SAMD5: variants seen among roughly 807,000 people sequenced by gnomAD.
SAMD5 encodes the protein sterile alpha motif domain containing 5.
A neutral mutation model predicts 11.3 loss-of-function variants in SAMD5; 13 were observed. The observed-to-expected ratio is 1.15, with a 90% confidence interval of 0.75 to 1.83. The LOEUF (loss-of-function observed/expected upper bound fraction) is 1.83, where lower values mean the gene tolerates loss of function less well. SAMD5 is among the 40% of genes most tolerant of loss of function. The pLI, the probability that SAMD5 is intolerant of heterozygous loss-of-function variation, is 0.00. For missense variants in SAMD5, 255 were observed against 239.1 expected, an observed-to-expected ratio of 1.07 and a Z score of -0.44; for synonymous variants, 129 against 111.3, an observed-to-expected ratio of 1.16 and a Z score of -1.00.
At chr6:147,541,892 C>T (rs1788610669) in intron 1 of SAMD5, among the ~76,000 whole-genome samples, 1 of 152,164 alleles carries the variant, frequency 6.6e-6, no homozygotes, top group Admixed American at 6.5e-5. Flanking sequence ...GCTGAACAGA[C>T]ACCCCACAAT....
chr6:147,819,810 G>C, the SAMD5 span, among the ~76,000 whole-genome samples: 7 of 152,310 alleles, frequency 4.6e-5, no homozygotes, highest in African/African-American at 1.4e-4. Context: ...AAAATTGCTA[G>C]AGTTAAGAAG....
intron 1 of SAMD5, among the ~76,000 whole-genome samples, chr6:147,654,667 T>C (rs1421291580): frequency 2.0e-5 from 3 of 152,138 alleles, no homozygotes; most frequent in Admixed American, 1.3e-4. Context: ...TGTAAGTGCC[T>C]GTGAGTAAGC....
chr6:147,951,532 A>C, the SAMD5 span, among the ~76,000 whole-genome samples: 1 of 152,162 alleles, frequency 6.6e-6, no homozygotes, highest in Admixed American at 6.5e-5. Flanking sequence ...TGAGCAACTC[A>C]AGTACACAGA....
the SAMD5 span, among the ~76,000 whole-genome samples, chr6:147,798,886 G>A: frequency 6.6e-6 from 1 of 152,126 alleles, no homozygotes; most frequent in South Asian, 2.1e-4. Flanking sequence ...GACTAGGATT[G>A]CAACCCCTGC....
intron 1 of SAMD5, among the ~76,000 whole-genome samples, chr6:147,686,188 G>T (rs1442515079): frequency 6.6e-6 from 1 of 152,038 alleles, no homozygotes; most frequent in Non-Finnish European, 1.5e-5. Context: ...TATATTATTG[G>T]AATTAGTATT....
At chr6:147,643,779 A>AGGAAGGAAGGAT in intron 1 of SAMD5, among the ~76,000 whole-genome samples, 1 of 138,068 alleles carries the variant, frequency 7.2e-6, no homozygotes, top group Admixed American at 7.1e-5. Context: ...GAAGGAAGGA[A>AGGAAGGAAGGAT]GGAAGGAAGG....
At position 147,568,491 on chromosome 6, in the gene SAMD5, G is replaced by C; in HGVS notation, c.*4035G>C. 1 of 985,392 alleles carries C rather than the reference G, an allele frequency of 1.0e-6. No homozygotes were observed. The highest frequency in any genetic ancestry group is 1.2e-6 in the Non-Finnish European group (1 of 829,868). The allele number at this position is 985,392 out of a possible 1,614,324, so 61.0% of individuals were successfully genotyped here. A position where few individuals can be genotyped will look rare whatever the true frequency, so the allele number is the denominator to read the frequency against. ...AATTTCAAGGCAAATAAGGCATGAA[G>C]GGTGGAACATTGCATCTAGGGAAAA... On this transcript the variant is annotated 3_prime_UTR_variant, in exon 2 of 2. Coordinates refer to ENST00000367474, the MANE Select transcript of SAMD5 (RefSeq NM_001030060.3).
intron 1 of SAMD5, among the ~76,000 whole-genome samples, chr6:147,671,847 A>G (rs1406410104): frequency 2.2e-5 from 3 of 138,500 alleles, no homozygotes; most frequent in East Asian, 2.1e-4. Context: ...AATATGCTTT[A>G]TATTTAATAG....
chr6:147,530,699 C>G (rs1788417108), intron 1 of SAMD5, among the ~76,000 whole-genome samples: 2 of 152,138 alleles, frequency 1.3e-5, no homozygotes, highest in Non-Finnish European at 2.9e-5. Context: ...TAAGAATCAC[C>G]GACTGAAAAG....
intron 1 of SAMD5, among the ~76,000 whole-genome samples, chr6:147,703,546 C>A (rs1791285002): frequency 6.6e-6 from 1 of 152,104 alleles, no homozygotes; most frequent in Non-Finnish European, 1.5e-5. Flanking sequence ...AATGGAAGAC[C>A]CTGGTTTACA....
intron 1 of SAMD5, among the ~76,000 whole-genome samples, chr6:147,591,665 A>T (rs11970117): frequency 6.6e-6 from 1 of 152,106 alleles, no homozygotes; most frequent in African/African-American, 2.4e-5. Flanking sequence ...AAGGCTGTTC[A>T]GTTTTCCATG....
At chr6:147,574,508 A>G (rs1789188658), downstream of SAMD5, among the ~76,000 whole-genome samples, 1 of 152,232 alleles carries the variant, frequency 6.6e-6, no homozygotes, top group African/African-American at 2.4e-5. Flanking sequence ...AAGTTCTCAA[A>G]AAAGAGGGAG....
the SAMD5 span, among the ~76,000 whole-genome samples, chr6:147,757,019 C>T: frequency 5.3e-5 from 8 of 152,112 alleles, no homozygotes; most frequent in South Asian, 2.1e-4. Flanking sequence ...ATTTTTGTTC[C>T]GACATAAAGC....
chr6:147,913,250 A>T, the SAMD5 span, among the ~76,000 whole-genome samples: 2 of 152,240 alleles, frequency 1.3e-5, no homozygotes, highest in Admixed American at 6.5e-5. Flanking sequence ...ATTTGGGAAC[A>T]TCATATCTGA....
At chr6:147,878,330 G>T in the SAMD5 span, among the ~76,000 whole-genome samples, 10 of 151,566 alleles carry the variant, frequency 6.6e-5, no homozygotes, top group Non-Finnish European at 1.2e-4. Context: ...CTTTTATAAG[G>T]ACTGCGTTTC....
the SAMD5 span, among the ~76,000 whole-genome samples, chr6:147,860,197 C>T: frequency 6.6e-6 from 1 of 152,146 alleles, no homozygotes; most frequent in Non-Finnish European, 1.5e-5. Flanking sequence ...CTTAGAGATG[C>T]ATCACTCTAA....
chr6:147,683,602 G>T lies in SAMD5; in HGVS notation c.163-53715G>T, dbSNP rs560176504. 9.2e-5 allele frequency among the ~76,000 whole-genome samples: 14 copies of T among 151,682 alleles called. No homozygotes were observed. In the South Asian group the frequency reaches 2.1e-3, roughly 23 times the overall value. Reference sequence around the variant, plus strand: ...TGAGAAAAAGATGGTTTCCTATTTTGCATGGATCACCTTCCTTGCAAGGTG... The same window carrying T: ...TGAGAAAAAGATGGTTTCCTATTTTTCATGGATCACCTTCCTTGCAAGGTG... On this transcript the variant is annotated intron_variant, in intron 1 of 1. Coordinates refer to the SAMD5 transcript ENST00000566741.
chr6:147,585,484 T>A (rs374906029), intron 1 of SAMD5, among the ~76,000 whole-genome samples: 4 of 152,096 alleles, frequency 2.6e-5, no homozygotes, highest in Non-Finnish European at 5.9e-5. Flanking sequence ...CTCTATGTAA[T>A]GGGCAAGAAC....
chr6:147,919,249 C>G, the SAMD5 span, among the ~76,000 whole-genome samples: 3 of 152,164 alleles, frequency 2.0e-5, no homozygotes, highest in African/African-American at 7.2e-5. Flanking sequence ...TCTGCCCCAT[C>G]AAAAATCTAG....
Sources: gnomAD v4.1 joint callset for allele counts (sites outside exome capture counted in the v4.1 genomes callset) on GRCh38, gnomAD v4.1.1 for gene constraint, MANE v1.5 for transcripts, NCBI Gene and HGNC (gene_info 2026-07-23, HGNC 2026-07-21) for gene names.